The following CEP112 variants were observed in gnomAD, a reference collection of about 807,000 sequenced individuals.
The protein encoded by CEP112 is centrosomal protein 112.
CEP112 carries 127 observed loss-of-function variants against 153.0 expected under a neutral mutation model. That is an observed-to-expected ratio of 0.83 (90% confidence interval 0.72 to 0.96). The LOEUF (loss-of-function observed/expected upper bound fraction) is 0.96, where lower values mean the gene tolerates loss of function less well. Among genes scored for constraint, CEP112 ranks in the 40% least tolerant of loss-of-function variants. CEP112 has a pLI of 0.00. For synonymous variants in CEP112, 358 were observed against 374.4 expected (o/e 0.96, Z 0.51); for missense variants, 1,089 against 1,101.2 (o/e 0.99, Z 0.16).
intron 21 of CEP112, among the ~76,000 whole-genome samples, chr17:65,807,842 T>C (rs1454832814): frequency 1.3e-5 from 2 of 152,192 alleles, no homozygotes; most frequent in African/African-American, 4.8e-5. Flanking sequence ...GGAGAACCTC[T>C]AGTAAAGCAG....
intron 18 of CEP112, among the ~76,000 whole-genome samples, chr17:65,937,319 T>C (rs1234363246): frequency 4.0e-5 from 4 of 99,462 alleles, no homozygotes; most frequent in Non-Finnish European, 5.6e-5. Flanking sequence ...CGCCATCCCA[T>C]CTAGGAAGTG....
intron 12 of CEP112, among the ~76,000 whole-genome samples, chr17:66,035,520 A>T (rs567605145): frequency 1.3e-5 from 2 of 152,298 alleles, no homozygotes; most frequent in South Asian, 4.1e-4. Flanking sequence ...TATAACCATT[A>T]TGGAGAACAG....
chr17:66,143,146 G>A (rs1239542099), intron 4 of CEP112, among the ~76,000 whole-genome samples: 1 of 152,186 alleles, frequency 6.6e-6, no homozygotes, highest in Non-Finnish European at 1.5e-5. Context: ...GAAATCAAGA[G>A]AAATGAAGCA....
In CEP112 at chr17:65,635,573, C is replaced by A; in HGVS notation, c.*398G>T. 2 of 209,526 alleles carry A rather than the reference C, an allele frequency of 9.5e-6. No homozygotes were observed. The highest frequency in any genetic ancestry group is 1.9e-5 in the Non-Finnish European group (2 of 106,444). The allele number at this position is 209,526 out of a possible 1,614,324, so 13.0% of individuals were successfully genotyped here. ...AAATAATATTTTAATAACATAGGAA[C>A]ATGAACATGAAAACAATGTAAACAG... On this transcript the variant is annotated 3_prime_UTR_variant, in exon 27 of 27. Transcript: ENST00000535342.
chr17:65,845,876 T>C (rs1424341874), intron 21 of CEP112, among the ~76,000 whole-genome samples: 2 of 152,254 alleles, frequency 1.3e-5, no homozygotes, highest in Non-Finnish European at 2.9e-5. Context: ...AGGTATTTCA[T>C]GTTTCTCTTA....
chr17:66,162,646 AAAG>A (rs2146771814), intron 4 of CEP112, among the ~76,000 whole-genome samples: 1 of 152,332 alleles, frequency 6.6e-6, no homozygotes, highest in East Asian at 1.9e-4. Context: ...ATGTTGAGCA[AAAG>A]AAGACAGAAA....
intron 24 of CEP112, chr17:65,644,204 A>C (rs2045307957): frequency 1.4e-6 from 1 of 704,622 alleles, no homozygotes; most frequent in Non-Finnish European, 2.6e-6. Flanking sequence ...TGGGGACCAG[A>C]AAGTGGCCAT....
chr17:65,761,425 T>C (rs753511584), intron 21 of CEP112, among the ~76,000 whole-genome samples: 1 of 152,052 alleles, frequency 6.6e-6, no homozygotes, highest in Non-Finnish European at 1.5e-5. Flanking sequence ...ATTTTTATTA[T>C]TTCCTTTCTT....
intron 4 of CEP112, among the ~76,000 whole-genome samples, chr17:66,148,695 C>A (rs1434103001): frequency 6.6e-6 from 1 of 152,044 alleles, no homozygotes; most frequent in African/African-American, 2.4e-5. Context: ...TAATTTTTTG[C>A]ACTGATTTTG....
chr17:65,761,534 T>C (rs923648734), intron 21 of CEP112, among the ~76,000 whole-genome samples: 1 of 152,148 alleles, frequency 6.6e-6, no homozygotes, highest in African/African-American at 2.4e-5. Context: ...ATAAATGCAT[T>C]CTATGTTATA....
At chr17:65,921,980 A>C (rs547993969) in intron 19 of CEP112, among the ~76,000 whole-genome samples, 2 of 152,308 alleles carry the variant, frequency 1.3e-5, no homozygotes, top group South Asian at 4.1e-4. Context: ...CATCCTCTAA[A>C]AAATAACTAG....
At chr17:65,667,401 G>A (rs2046749217) in intron 24 of CEP112, among the ~76,000 whole-genome samples, 1 of 152,102 alleles carries the variant, frequency 6.6e-6, no homozygotes, top group Admixed American at 6.6e-5. Context: ...CAATGGAGGG[G>A]GGAGTAAAAT....
At chr17:65,774,138 T>C (rs2053544660) in intron 21 of CEP112, among the ~76,000 whole-genome samples, 1 of 151,392 alleles carries the variant, frequency 6.6e-6, no homozygotes, top group African/African-American at 2.4e-5. Context: ...CAGGGCTGAC[T>C]GGATCCAGGG....
intron 18 of CEP112, among the ~76,000 whole-genome samples, chr17:65,959,699 G>A (rs575459084): frequency 1.3e-5 from 2 of 152,296 alleles, no homozygotes; most frequent in African/African-American, 4.8e-5. Flanking sequence ...GAAGCTGCTT[G>A]CAGTATACCT....
chr17:66,121,354 T>C (rs969583852), intron 6 of CEP112, among the ~76,000 whole-genome samples: 1 of 152,206 alleles, frequency 6.6e-6, no homozygotes, highest in Non-Finnish European at 1.5e-5. Flanking sequence ...GTATTTAAAC[T>C]TGAAGTGCAT....
At chr17:65,971,234 T>C (rs1328517591) in intron 17 of CEP112, among the ~76,000 whole-genome samples, 1 of 152,158 alleles carries the variant, frequency 6.6e-6, no homozygotes, top group Non-Finnish European at 1.5e-5. Flanking sequence ...ATTACATACG[T>C]GCAAAACATG....
intron 20 of CEP112, chr17:65,873,023 T>C (rs1568148844): frequency 6.6e-6 from 1 of 152,202 alleles, no homozygotes; most frequent in Non-Finnish European, 1.5e-5. Flanking sequence ...GTTTTCCTTT[T>C]TGTTAACCTA....
intron 19 of CEP112, among the ~76,000 whole-genome samples, chr17:65,923,005 T>C (rs768464147): frequency 6.6e-6 from 1 of 152,176 alleles, no homozygotes; most frequent in Admixed American, 6.5e-5. Context: ...ATCACTAAAG[T>C]TGTGGAAAAC....
chr17:65,928,608 A>C (rs1419480353), intron 18 of CEP112, among the ~76,000 whole-genome samples: 1 of 152,230 alleles, frequency 6.6e-6, no homozygotes, highest in Non-Finnish European at 1.5e-5. Flanking sequence ...AGAAGTATTA[A>C]TACATGTACT....
Sources: gnomAD v4.1 joint callset for allele counts (sites outside exome capture counted in the v4.1 genomes callset) on GRCh38, gnomAD v4.1.1 for gene constraint, MANE v1.5 for transcripts, NCBI Gene and HGNC (gene_info 2026-07-23, HGNC 2026-07-21) for gene names.